Variants in SYT1 observed in about 807,000 individuals in gnomAD.
SYT1 encodes synaptotagmin 1, also known as synaptotagmin-1.
SYT1 carries 8 observed loss-of-function variants against 44.8 expected under a neutral mutation model. That is an observed-to-expected ratio of 0.18 (90% CI 0.10 to 0.32). The LOEUF (loss-of-function observed/expected upper bound fraction) is 0.32. SYT1 is among the 10% of genes least tolerant of loss of function. The probability of loss-of-function intolerance (pLI) is 1.00; values close to 1 mark genes in which losing one functional copy is unlikely to be tolerated. For missense variants in SYT1, 286 were observed against 509.3 expected (o/e 0.56, Z 4.22); for synonymous variants, 154 against 188.8 (o/e 0.82, Z 1.51).
chr12:78,946,521 G>T (rs903983057), intron 1 of SYT1, among the ~76,000 whole-genome samples: 2 of 151,994 alleles, frequency 1.3e-5, no homozygotes, highest in African/African-American at 2.4e-5. Flanking sequence ...CAGGTGTGGT[G>T]GCACACACCT....
intron 3 of SYT1, among the ~76,000 whole-genome samples, chr12:79,063,803 C>G (rs752671795): frequency 2.6e-5 from 4 of 152,078 alleles, no homozygotes; most frequent in Admixed American, 6.6e-5. Context: ...CCTCCTCTAT[C>G]CCCCTTGGGA....
At chr12:79,184,516 C>T (rs1872703620) in intron 3 of SYT1, among the ~76,000 whole-genome samples, 1 of 151,500 alleles carries the variant, frequency 6.6e-6, no homozygotes, top group South Asian at 2.1e-4. Context: ...AGCAAGCCAC[C>T]CACTGTGCAG....
intron 3 of SYT1, among the ~76,000 whole-genome samples, chr12:79,207,918 A>G (rs914384850): frequency 2.6e-5 from 4 of 152,208 alleles, no homozygotes; most frequent in Admixed American, 6.5e-5. Flanking sequence ...TCTCATTAAC[A>G]ATATGAAATT....
intron 2 of SYT1, among the ~76,000 whole-genome samples, chr12:78,988,366 T>C (rs1400638924): frequency 6.7e-6 from 1 of 148,924 alleles, no homozygotes; most frequent in Non-Finnish European, 1.5e-5. Context: ...TTATTATCTA[T>C]TTCTCCAATA....
chr12:79,117,255 G>T (rs1879324804), intron 3 of SYT1, among the ~76,000 whole-genome samples: 2 of 152,030 alleles, frequency 1.3e-5, no homozygotes, highest in Non-Finnish European at 2.9e-5. Flanking sequence ...TATGTATTGA[G>T]AAATACAATA....
intron 8 of SYT1, among the ~76,000 whole-genome samples, chr12:79,340,523 T>G (rs956142671): frequency 6.8e-6 from 1 of 147,922 alleles, no homozygotes; most frequent in Non-Finnish European, 1.5e-5. Flanking sequence ...TGATTTTGTA[T>G]CCTGAGACTG....
At chr12:78,952,363 C>A (rs1331915441) in intron 1 of SYT1, among the ~76,000 whole-genome samples, 2 of 152,094 alleles carry the variant, frequency 1.3e-5, no homozygotes, top group Non-Finnish European at 2.9e-5. Context: ...CTTGATGATT[C>A]ATCATCCAGC....
chr12:79,201,747 T>C (rs753897002), intron 3 of SYT1, among the ~76,000 whole-genome samples: 6 of 152,174 alleles, frequency 3.9e-5, no homozygotes, highest in African/African-American at 9.6e-5. Context: ...AGATCTTCCA[T>C]ATATCTGTTG....
At chr12:79,392,049 G>T (rs891855962) in intron 9 of SYT1, among the ~76,000 whole-genome samples, 1 of 152,168 alleles carries the variant, frequency 6.6e-6, no homozygotes, top group African/African-American at 2.4e-5. Context: ...GTTCTTTGAA[G>T]AATGCGTAGG....
At chr12:78,993,378 T>C (rs1370870721) in intron 2 of SYT1, among the ~76,000 whole-genome samples, 1 of 152,236 alleles carries the variant, frequency 6.6e-6, no homozygotes, top group African/African-American at 2.4e-5. Flanking sequence ...AGAATAATCA[T>C]TGTTCATGTT....
At chr12:79,245,108 T>C (rs1876744763) in intron 4 of SYT1, among the ~76,000 whole-genome samples, 1 of 152,002 alleles carries the variant, frequency 6.6e-6, no homozygotes, top group Admixed American at 6.5e-5. Flanking sequence ...AAAATGACAC[T>C]TTGGTCTTTG....
chr12:78,956,190 TG>T (rs947899145), intron 1 of SYT1, among the ~76,000 whole-genome samples: 14 of 151,878 alleles, frequency 9.2e-5, no homozygotes, highest in Non-Finnish European at 1.8e-4. Flanking sequence ...ATGACTGGTA[TG>T]GGGGGGCAGA....
At chr12:79,269,726 G>T (rs1878321578) in intron 4 of SYT1, among the ~76,000 whole-genome samples, 1 of 151,710 alleles carries the variant, frequency 6.6e-6, no homozygotes, top group African/African-American at 2.4e-5. Flanking sequence ...TGCACACACG[G>T]ATATATGCAG....
At chr12:78,969,520 A>T (rs1370632896) in intron 1 of SYT1, among the ~76,000 whole-genome samples, 8 of 152,178 alleles carry the variant, frequency 5.3e-5, no homozygotes, top group African/African-American at 1.7e-4. Context: ...GAGGACAGAG[A>T]ATGGTAGATA....
chr12:79,257,472 G>A (rs1013588995), intron 4 of SYT1, among the ~76,000 whole-genome samples: 25 of 152,098 alleles, frequency 1.6e-4, no homozygotes, highest in Admixed American at 1.6e-3. Context: ...TTTTTGTTTT[G>A]TTTTGTTTTG....
In SYT1 at chr12:79,195,774, G is replaced by A. The variant is rs371213563; in HGVS notation, c.-17-21729G>A. 3.6e-4 allele frequency among the ~76,000 whole-genome samples: 55 copies of A among 152,242 alleles called. No individual in the cohort carries two copies. In the East Asian group the frequency reaches 9.1e-3, roughly 25 times the overall value. ...TCTGCCTTTCTTTGCAGTCTAACTT[G>A]GGATAAACTAAGGAAGAAAGTATGA... On this transcript the variant is annotated intron_variant, in intron 3 of 10. Transcript: ENST00000261205.
At chr12:78,967,369 T>A (rs1392163266) in intron 1 of SYT1, among the ~76,000 whole-genome samples, 1 of 152,064 alleles carries the variant, frequency 6.6e-6, no homozygotes, top group Non-Finnish European at 1.5e-5. Flanking sequence ...TGGCAGGATA[T>A]TAAAGGCAAG....
intron 8 of SYT1, among the ~76,000 whole-genome samples, chr12:79,325,353 T>C (rs1881563685): frequency 6.6e-6 from 1 of 152,188 alleles, no homozygotes; most frequent in South Asian, 2.1e-4. Flanking sequence ...AGCTATGTTA[T>C]GGCTGAAAAG....
chr12:79,095,870 T>G (rs1878093613), intron 3 of SYT1, among the ~76,000 whole-genome samples: 1 of 151,854 alleles, frequency 6.6e-6, no homozygotes, highest in South Asian at 2.1e-4. Flanking sequence ...AGAGACAGAT[T>G]AACAGGGTAA....
Sources: allele counts gnomAD v4.1 joint callset (sites outside exome capture counted in the v4.1 genomes callset), GRCh38; gene constraint gnomAD v4.1.1; transcripts MANE v1.5; gene names NCBI Gene and HGNC (gene_info 2026-07-23, HGNC 2026-07-21).